Variants in MID1 observed in about 807,000 individuals in gnomAD.
The protein encoded by MID1 is E3 ubiquitin-protein ligase Midline-1.
MID1 carries 7 observed loss-of-function variants against 40.4 expected under a neutral mutation model. The observed-to-expected ratio is 0.17, with a 90% CI of 0.10 to 0.33. The LOEUF is 0.33. MID1 is among the 10% of genes least tolerant of loss of function. The pLI, the probability that MID1 is intolerant of heterozygous loss-of-function variation, is 1.00. For missense variants in MID1, 367 were observed against 558.5 expected (o/e 0.66, Z 3.46); for synonymous variants, 229 against 221.2 (o/e 1.04, Z -0.31).
chrX:10,457,653 C>CTGTT (rs1268150609), intron 8 of MID1, among the ~76,000 whole-genome samples: 42 of 111,891 alleles, frequency 3.8e-4, no homozygotes, highest in African/African-American at 9.7e-4. Context: ...TTCATCCTGC[C>CTGTT]TGTTTGATTT....
intron 7 of MID1, among the ~76,000 whole-genome samples, chrX:10,467,704 C>T (rs1929461139): frequency 8.9e-6 from 1 of 112,057 alleles, no homozygotes; most frequent in Admixed American, 9.5e-5. Flanking sequence ...GGGTAAAATC[C>T]AAACATGGTA....
intron 1 of MID1, among the ~76,000 whole-genome samples, chrX:10,737,357 G>C (rs1341942620): frequency 8.9e-6 from 1 of 112,732 alleles, no homozygotes; most frequent in Non-Finnish European, 1.9e-5. Flanking sequence ...TGCTAGCAAA[G>C]ACTCAGTACT....
At chrX:10,460,407 C>T (rs1226941173) in intron 7 of MID1, among the ~76,000 whole-genome samples, 1 of 111,347 alleles carries the variant, frequency 9.0e-6, no homozygotes, top group Admixed American at 9.5e-5. Context: ...GGCTGTTGCT[C>T]TGGCTGCATC....
At chrX:10,501,287 T>C in intron 3 of MID1, 1 of 664,745 alleles carries the variant, frequency 1.5e-6, no homozygotes, top group Non-Finnish European at 2.2e-6. Context: ...CTCAATACTA[T>C]GGTTTTTTCT....
chrX:10,791,286 A>G (rs887645962), intron 1 of MID1, among the ~76,000 whole-genome samples: 2 of 111,923 alleles, frequency 1.8e-5, no homozygotes, highest in African/African-American at 6.5e-5. Context: ...GAATGTAAAG[A>G]GAATGGGGCA....
intron 1 of MID1, among the ~76,000 whole-genome samples, chrX:10,776,215 T>A (rs755304706): frequency 4.5e-5 from 5 of 111,574 alleles, no homozygotes; most frequent in African/African-American, 1.3e-4. Flanking sequence ...TATGCCAAGG[T>A]AGGGGCAGGC....
In MID1 at chrX:10,516,601, TGTGTGTGTGCGCGC is replaced by T. The variant is rs1322265332; in HGVS notation, c.756+6477_756+6490del. ...GTGTGTGTGTGTGTGTGTGTGTGTG[TGTGTGTGTGCGCGC>T]GCGCACGCGTGTGTTTTAAGAGACA... On this transcript the variant is annotated intron_variant, in intron 3 of 9. Transcript: ENST00000317552. Among the ~76,000 whole-genome samples the T allele has an allele frequency of 2.7e-3, 196 of 71,348 alleles. 2 individuals are homozygous for T. The highest frequency in any genetic ancestry group is 0.013 in the African/African-American group (190 of 14,894). The allele number at this position is 71,348 out of a possible 115,157, so 62.0% of individuals were successfully genotyped here.
At chrX:10,829,926 A>C (rs953810375) in intron 1 of MID1, among the ~76,000 whole-genome samples, 21 of 112,144 alleles carry the variant, frequency 1.9e-4, no homozygotes, top group African/African-American at 6.5e-4. Flanking sequence ...AAAGCTCTCA[A>C]GTTACCTAGT....
chrX:10,470,614 A>G (rs900531652), intron 6 of MID1, among the ~76,000 whole-genome samples: 4 of 112,469 alleles, frequency 3.6e-5, no homozygotes, highest in Non-Finnish European at 7.5e-5. Flanking sequence ...TCAGAAGACC[A>G]TGATTCATAG....
intron 1 of MID1, among the ~76,000 whole-genome samples, chrX:10,669,181 T>C (rs1471610316): frequency 2.1e-5 from 2 of 94,462 alleles, no homozygotes; most frequent in African/African-American, 8.4e-5. Flanking sequence ...ATTGCACCAC[T>C]GCAGTCCGCA....
chrX:10,763,282 T>C lies in MID1; in HGVS notation c.-187+70272A>G, dbSNP rs2043695071. ...GCACCCATCAACCCGTCATCTAACA[T>C]TAGGTATATCTCCCAATGCTATCCC... On this transcript the variant is annotated intron_variant, in intron 1 of 10. Transcript: ENST00000380785. 3.6e-5 allele frequency among the ~76,000 whole-genome samples: 4 copies of C among 110,115 alleles called. No individual in the cohort carries two copies. In the South Asian group the frequency reaches 1.6e-3, roughly 44 times the overall value.
At chrX:10,472,778 G>A (rs993274390) in intron 6 of MID1, among the ~76,000 whole-genome samples, 1 of 111,995 alleles carries the variant, frequency 8.9e-6, no homozygotes, top group African/African-American at 3.2e-5. Context: ...GTCATGTTGT[G>A]ATCATGTGGC....
intron 1 of MID1, among the ~76,000 whole-genome samples, chrX:10,741,264 C>T (rs1391975859): frequency 1.8e-5 from 2 of 111,293 alleles, no homozygotes; most frequent in Non-Finnish European, 1.9e-5. Context: ...TAAATTAAGA[C>T]TACCACTTTC....
intron 3 of MID1, among the ~76,000 whole-genome samples, chrX:10,498,657 C>A (rs1931385188): frequency 8.9e-6 from 1 of 112,113 alleles, no homozygotes; most frequent in African/African-American, 3.2e-5. Flanking sequence ...AGTCTACTTT[C>A]TGTCTCTTTA....
chrX:10,626,484 C>G (rs1209732977), intron 1 of MID1, among the ~76,000 whole-genome samples: 1 of 110,641 alleles, frequency 9.0e-6, no homozygotes, highest in Non-Finnish European at 1.9e-5. Flanking sequence ...GGACTACAAG[C>G]TCACACCACC....
intron 1 of MID1, among the ~76,000 whole-genome samples, chrX:10,741,692 C>T (rs753371748): frequency 4.6e-5 from 5 of 109,187 alleles, no homozygotes; most frequent in East Asian, 2.9e-4. Flanking sequence ...CTGTTGGGGA[C>T]GGGGAAACAT....
At chrX:10,710,966 T>C (rs755703305) in intron 1 of MID1, among the ~76,000 whole-genome samples, 14 of 111,553 alleles carry the variant, frequency 1.3e-4, no homozygotes, top group Non-Finnish European at 5.6e-5. Flanking sequence ...AAACCGGCCA[T>C]GTCTTTTCTT....
chrX:10,460,327 A>T (rs1928951769), intron 7 of MID1, among the ~76,000 whole-genome samples: 1 of 111,191 alleles, frequency 9.0e-6, no homozygotes, highest in African/African-American at 3.3e-5. Context: ...AGCCAACCCC[A>T]ACCGACCTCC....
At chrX:10,487,282 CA>C (rs2147306828) in intron 4 of MID1, among the ~76,000 whole-genome samples, 1 of 111,981 alleles carries the variant, frequency 8.9e-6, no homozygotes, top group South Asian at 3.8e-4. Context: ...TGTTTATGTA[CA>C]CATACCTAAA....
Sources: allele counts gnomAD v4.1 joint callset (sites outside exome capture counted in the v4.1 genomes callset), GRCh38; gene constraint gnomAD v4.1.1; transcripts MANE v1.5; gene names NCBI Gene and HGNC (gene_info 2026-07-23, HGNC 2026-07-21).